Variants in MTOR observed in about 807,000 individuals in gnomAD.
The protein encoded by MTOR is serine/threonine-protein kinase mTOR.
MTOR carries 70 observed loss-of-function variants against 319.8 expected under a neutral mutation model. The ratio of observed to expected loss-of-function variants is 0.22; its 90% CI spans 0.18 to 0.27. The LOEUF is 0.27. Ranked by LOEUF, MTOR falls within the 10% of genes least tolerant of loss-of-function variation. The pLI, the probability that MTOR is intolerant of heterozygous loss-of-function variation, is 1.00. For synonymous variants in MTOR, 1,183 were observed against 1,211.4 expected (o/e 0.98, Z 0.49); for missense variants, 1,890 against 3,274.4 (o/e 0.58, Z 10.32).
At chr1:11,147,741 AC>A (rs1643985169) in intron 31 of MTOR, among the ~76,000 whole-genome samples, 1 of 152,178 alleles carries the variant, frequency 6.6e-6, no homozygotes, top group African/African-American at 2.4e-5. Flanking sequence ...GGGTTATGTA[AC>A]TTTCCTCTGG....
At chr1:11,160,026 T>C (rs1644425777) in intron 29 of MTOR, among the ~76,000 whole-genome samples, 2 of 152,166 alleles carry the variant, frequency 1.3e-5, no homozygotes, top group South Asian at 2.1e-4. Context: ...AGTAGCTATG[T>C]AAGCAATAAC....
chr1:11,243,409 T>C (rs1648354249), intron 8 of MTOR, 109 bp from the exon 9 acceptor site: 2 of 1,077,384 alleles, frequency 1.9e-6, no homozygotes, highest in East Asian at 5.1e-5. Context: ...ATTAAGAAAG[T>C]GGCCAGGCAC....
At chr1:11,143,283 A>G (rs554806608) in intron 34 of MTOR, among the ~76,000 whole-genome samples, 1 of 152,354 alleles carries the variant, frequency 6.6e-6, no homozygotes, top group African/African-American at 2.4e-5. Flanking sequence ...CAGTAAAGTC[A>G]GACAGGCATC....
At position 11,109,649 on chromosome 1, in the gene MTOR, T is replaced by C; in HGVS notation, c.7447A>G (p.Ile2483Val). ...GCGGTTCCTCAGAGGCTGAACTTACTGAAAGAATGAATAGATTCTGGCACT... is the reference window on the plus strand; with the variant it reads ...GCGGTTCCTCAGAGGCTGAACTTACCGAAAGAATGAATAGATTCTGGCACT... ...TTVPESIHSFIGDGLVKPEAL... is the reference protein window; with the variant it reads ...TTVPESIHSFVGDGLVKPEAL... Residue 2483 changes from isoleucine to valine, a missense_variant and splice_region_variant, in exon 55 of 58, where the codon ATT becomes GTT. Ile to Val is a conservative substitution (Grantham distance 29). Coordinates refer to ENST00000361445, the MANE Select transcript of MTOR (RefSeq NM_004958.4). This position sits in a 1 kb window ranked among gnomAD's most constrained non-coding sequence, Gnocchi z 4.0. 6.2e-7 allele frequency: 1 copy of C among 1,614,018 alleles called. No homozygotes were observed.
intron 8 of MTOR, among the ~76,000 whole-genome samples, 160 bp from the exon 9 acceptor site, chr1:11,243,460 GGAGA>G (rs1648361418): frequency 6.6e-6 from 1 of 152,176 alleles, no homozygotes; most frequent in Non-Finnish European, 1.5e-5. Context: ...GGGAGGCCAA[GGAGA>G]GAGGAGTGTT....
intron 34 of MTOR, chr1:11,143,871 T>C (rs1447491960): frequency 6.6e-6 from 1 of 152,196 alleles, no homozygotes; most frequent in Non-Finnish European, 1.5e-5. Flanking sequence ...CTTTTGCTGA[T>C]GAACTTCCTA....
At chr1:11,225,320 C>T (rs1483812600) in intron 19 of MTOR, among the ~76,000 whole-genome samples, 1 of 151,504 alleles carries the variant, frequency 6.6e-6, no homozygotes, top group Non-Finnish European at 1.5e-5. Flanking sequence ...TAAGAGATTA[C>T]ATTAGAAAAG....
chr1:11,190,296 A>G (rs536272758), intron 28 of MTOR, among the ~76,000 whole-genome samples: 2 of 152,338 alleles, frequency 1.3e-5, no homozygotes, highest in East Asian at 1.9e-4. Flanking sequence ...CTGACAGGCT[A>G]TATCTCAAGA....
chr1:11,251,208 TCTC>T (rs950764588), intron 6 of MTOR, among the ~76,000 whole-genome samples: 22 of 152,152 alleles, frequency 1.4e-4, no homozygotes, highest in African/African-American at 4.3e-4. Flanking sequence ...CCCACACACT[TCTC>T]CTGCTCACTC....
At chr1:11,197,484 G>C (rs1371625157) in intron 28 of MTOR, among the ~76,000 whole-genome samples, 4 of 152,172 alleles carry the variant, frequency 2.6e-5, no homozygotes, top group Non-Finnish European at 5.9e-5. Flanking sequence ...CTTAGCTGAG[G>C]ACACCCAAAG....
chr1:11,123,520 G>A (rs1014612161), intron 47 of MTOR, among the ~76,000 whole-genome samples: 7 of 151,516 alleles, frequency 4.6e-5, no homozygotes, highest in Non-Finnish European at 1.0e-4. Flanking sequence ...CCAGGCTAGA[G>A]TGTAGAGGCA....
chr1:11,146,267 C>T (rs552421094), intron 32 of MTOR, among the ~76,000 whole-genome samples: 1 of 152,220 alleles, frequency 6.6e-6, no homozygotes, highest in Non-Finnish European at 1.5e-5. Flanking sequence ...CAAGTAAGTA[C>T]TAGCTTCCTC....
intron 18 of MTOR, among the ~76,000 whole-genome samples, chr1:11,230,164 T>C (rs1324868051): frequency 6.6e-6 from 1 of 151,240 alleles, no homozygotes; most frequent in Non-Finnish European, 1.5e-5. Flanking sequence ...CTCATGCCTG[T>C]AATCCCAGCA....
chr1:11,187,102 AT>A (rs1188784551), intron 28 of MTOR, among the ~76,000 whole-genome samples: 2 of 152,220 alleles, frequency 1.3e-5, no homozygotes, highest in African/African-American at 4.8e-5. Context: ...ATAAGAATCA[AT>A]TCATAACACT....
In MTOR at chr1:11,128,335, T is replaced by C. The variant is rs1557754471; in HGVS notation, c.5910+119A>G. The C allele has an allele frequency of 3.2e-6, 4 of 1,265,018 alleles. No homozygotes were observed. The highest frequency in any genetic ancestry group is 1.5e-5 in the African/African-American group (1 of 67,884). 78.4% of individuals were successfully genotyped at this position (1,265,018 alleles called of 1,614,324 possible). ...GGACGGCTGGCTGGACAGACCCTCC[T>C]GGGCCAGGATGGAACACATGGCTCC... On this transcript the variant is annotated intron_variant, in intron 42 of 57. Coordinates refer to ENST00000361445, the MANE Select transcript of MTOR (RefSeq NM_004958.4). This position sits in a 1 kb window ranked among gnomAD's most constrained non-coding sequence, Gnocchi z 5.3.
chr1:11,255,984 C>T lies in MTOR; in HGVS notation c.705+8G>A. ...TTGCTAGTGGTGGGAATGGAGCCAT[C>T]TCCTTACCCTGTACCACTGAGGCTT... On this transcript the variant is annotated splice_region_variant and intron_variant, in intron 5 of 57. Transcript: ENST00000361445. 6.2e-7 allele frequency: 1 copy of T among 1,610,278 alleles called. No individual in the cohort carries two copies. The highest frequency in any genetic ancestry group is 8.5e-7 in the Non-Finnish European group (1 of 1,177,284).
chr1:11,171,399 G>A lies in MTOR; in HGVS notation c.4254-3882C>T, dbSNP rs553375959. 1.1e-4 allele frequency among the ~76,000 whole-genome samples: 16 copies of A among 151,630 alleles called. No individual in the cohort carries two copies. The South Asian group carries it at 1.2e-3, about 12-fold the overall frequency. On this transcript the variant is annotated intron_variant, in intron 28 of 57. Coordinates refer to ENST00000361445, the MANE Select transcript of MTOR (RefSeq NM_004958.4). ...CTGGCTCAAGCAATCCTCTGGCCTC[G>A]GCCTCCCAAACTGCTGGGATGACAG...
intron 26 of MTOR, among the ~76,000 whole-genome samples, chr1:11,202,634 A>T (rs566024621): frequency 6.6e-6 from 1 of 152,088 alleles, no homozygotes; most frequent in East Asian, 1.9e-4. Flanking sequence ...ATTAAAAAAA[A>T]AATGGTGATG....
In MTOR at chr1:11,204,560, C is replaced by T. The variant is rs1335588804; in HGVS notation, c.3944+1G>A. ...TCTCCACCCGCCCTGACACACTATA[C>T]CTGGCCATCGGGTTGTAGGCCTGTG... On this transcript the variant is annotated splice_donor_variant, in intron 26 of 57. Transcript: ENST00000361445. LOFTEE classifies it high-confidence loss of function. The T allele has an allele frequency of 1.9e-6, 3 of 1,613,834 alleles. No homozygotes were observed. Among genetic ancestry groups the T allele is most frequent in the Admixed American group, 1.7e-5 (1 of 60,008 alleles).
Sources: allele counts gnomAD v4.1 joint callset (sites outside exome capture counted in the v4.1 genomes callset), GRCh38; gene constraint gnomAD v4.1.1; non-coding constraint Gnocchi (gnomAD v3.1); transcripts MANE v1.5; gene names NCBI Gene and HGNC (gene_info 2026-07-23, HGNC 2026-07-21).